The following GALNT13 variants were observed in gnomAD, a reference collection of about 807,000 sequenced individuals.
GALNT13 encodes polypeptide N-acetylgalactosaminyltransferase 13.
A neutral mutation model predicts 64.2 loss-of-function variants in GALNT13; 28 were observed. That is an observed-to-expected ratio of 0.44 (90% CI 0.32 to 0.60). GALNT13 has a LOEUF of 0.60. Ranked by LOEUF, GALNT13 falls within the 20% of genes least tolerant of loss-of-function variation. GALNT13 has a pLI of 0.05. For missense variants in GALNT13, 577 were observed against 669.8 expected (o/e 0.86, Z 1.53); for synonymous variants, 214 against 224.6 (o/e 0.95, Z 0.42).
intron 11 of GALNT13, among the ~76,000 whole-genome samples, chr2:154,431,388 T>C (rs1700703731): frequency 6.6e-6 from 1 of 152,132 alleles, no homozygotes; most frequent in African/African-American, 2.4e-5. Context: ...AAAAAGAGTA[T>C]TTTAAAAGAA....
chr2:154,094,448 TAAATA>T (rs1458502372), intron 3 of GALNT13, among the ~76,000 whole-genome samples: 1 of 152,014 alleles, frequency 6.6e-6, no homozygotes, highest in Admixed American at 6.6e-5. Context: ...GGATATAAAA[TAAATA>T]AGAATTATTT....
the GALNT13 span, among the ~76,000 whole-genome samples, chr2:153,292,924 A>G: frequency 6.6e-6 from 1 of 152,110 alleles, no homozygotes; most frequent in South Asian, 2.1e-4. Context: ...TACCACCTAC[A>G]TATTTTTTAT....
chr2:154,131,826 A>G (rs1682637512), intron 3 of GALNT13, among the ~76,000 whole-genome samples: 1 of 152,202 alleles, frequency 6.6e-6, no homozygotes, highest in African/African-American at 2.4e-5. Context: ...TCCAAGTCCC[A>G]AAACCTCAAA....
chr2:153,407,888 A>T, the GALNT13 span, among the ~76,000 whole-genome samples: 2 of 152,196 alleles, frequency 1.3e-5, no homozygotes, highest in African/African-American at 4.8e-5. Flanking sequence ...TCTAAAATTT[A>T]AAGTGGGGTC....
chr2:153,113,976 G>A, the GALNT13 span, among the ~76,000 whole-genome samples: 20 of 152,078 alleles, frequency 1.3e-4, no homozygotes, highest in African/African-American at 4.8e-4. Flanking sequence ...ATGATAAGAA[G>A]TTCTTCCCAA....
intron 2 of GALNT13, among the ~76,000 whole-genome samples, chr2:153,910,808 G>T (rs1275698626): frequency 6.6e-6 from 1 of 152,106 alleles, no homozygotes; most frequent in African/African-American, 2.4e-5. Context: ...TATGATTTCA[G>T]TTCTTTTGCA....
the GALNT13 span, among the ~76,000 whole-genome samples, chr2:153,657,842 G>A: frequency 6.6e-6 from 1 of 152,072 alleles, no homozygotes; most frequent in African/African-American, 2.4e-5. Context: ...TCCCTTCCAT[G>A]TGTGTCCTTT....
chr2:153,137,462 C>T, the GALNT13 span, among the ~76,000 whole-genome samples: 713 of 152,112 alleles, frequency 4.7e-3, 5 homozygotes, highest in African/African-American at 0.013. Flanking sequence ...ACCTGGTACA[C>T]GAAACCACTC....
At chr2:153,696,167 C>T in the GALNT13 span, among the ~76,000 whole-genome samples, 6 of 152,162 alleles carry the variant, frequency 3.9e-5, no homozygotes, top group Non-Finnish European at 5.9e-5. Flanking sequence ...TTCAGTCTGT[C>T]GCCAAAGGCC....
At chr2:153,329,306 A>G in the GALNT13 span, among the ~76,000 whole-genome samples, 2 of 152,090 alleles carry the variant, frequency 1.3e-5, no homozygotes, top group Admixed American at 6.5e-5. Context: ...GAGTAATGAG[A>G]TTGCTGAGTT....
At chr2:154,409,912 T>A (rs1699719715) in intron 11 of GALNT13, among the ~76,000 whole-genome samples, 1 of 151,966 alleles carries the variant, frequency 6.6e-6, no homozygotes, top group African/African-American at 2.4e-5. Flanking sequence ...ACTTGTTGAT[T>A]CTTGTACTAT....
At chr2:153,816,851 C>G in the GALNT13 span, among the ~76,000 whole-genome samples, 2 of 152,072 alleles carry the variant, frequency 1.3e-5, no homozygotes, top group Non-Finnish European at 2.9e-5. Flanking sequence ...CAGGCCAGCA[C>G]CAATATATAA....
At chr2:153,852,786 C>G in the GALNT13 span, among the ~76,000 whole-genome samples, 1 of 152,154 alleles carries the variant, frequency 6.6e-6, no homozygotes, top group Non-Finnish European at 1.5e-5. Context: ...AGCTATTTAA[C>G]TGCTAGGTAT....
chr2:153,716,403 A>T, the GALNT13 span, among the ~76,000 whole-genome samples: 1 of 152,090 alleles, frequency 6.6e-6, no homozygotes, highest in African/African-American at 2.4e-5. Context: ...AGTGTATTTT[A>T]TGAGTGACCC....
chr2:153,168,928 A>C, the GALNT13 span, among the ~76,000 whole-genome samples: 2 of 152,184 alleles, frequency 1.3e-5, no homozygotes, highest in Non-Finnish European at 2.9e-5. Context: ...TAACTGTAGA[A>C]ATCACAGCTT....
rs573686834 is a variant in GALNT13 at position 154,029,727 on chromosome 2, G to T, written c.142+85088G>T. Among the ~76,000 whole-genome samples, 5 of 152,178 alleles carry T rather than the reference G, an allele frequency of 3.3e-5. No individual in the cohort carries two copies. In the East Asian group the frequency reaches 5.8e-4, roughly 18 times the overall value. Reference sequence around the variant, plus strand: ...ATAAAAAGAATTTTATAAAAGCAAAGATATGACTTACATAATAAAACTGTG... The same window carrying T: ...ATAAAAAGAATTTTATAAAAGCAAATATATGACTTACATAATAAAACTGTG... On this transcript the variant is annotated intron_variant, in intron 3 of 12. Transcript: ENST00000392825.
intron 3 of GALNT13, among the ~76,000 whole-genome samples, chr2:154,052,734 C>CA (rs1699693093): frequency 8.1e-6 from 1 of 123,138 alleles, no homozygotes; most frequent in African/African-American, 3.0e-5. Flanking sequence ...ACAGAATTGA[C>CA]TTTTTTTTTT....
At chr2:154,024,104 C>T (rs1697752679) in intron 3 of GALNT13, among the ~76,000 whole-genome samples, 1 of 152,172 alleles carries the variant, frequency 6.6e-6, no homozygotes, top group Admixed American at 6.5e-5. Flanking sequence ...GTAACCCGAC[C>T]TTTCTCTCTG....
chr2:154,051,279 CTTTTTTTTTT>C (rs34890901), intron 3 of GALNT13, among the ~76,000 whole-genome samples: 2 of 102,296 alleles, frequency 2.0e-5, no homozygotes, highest in Middle Eastern at 6.8e-3. Flanking sequence ...CTTACTCCTT[CTTTTTTTTTT>C]TTTTTTTTTT....
Sources: allele counts gnomAD v4.1 joint callset (sites outside exome capture counted in the v4.1 genomes callset), GRCh38; gene constraint gnomAD v4.1.1; transcripts MANE v1.5; gene names NCBI Gene and HGNC (gene_info 2026-07-23, HGNC 2026-07-21).